Variants in KLHL5 observed in about 807,000 individuals in gnomAD.
KLHL5 encodes the protein kelch-like protein 5.
KLHL5 carries 48 observed loss-of-function variants against 77.7 expected under a neutral mutation model. The ratio of observed to expected loss-of-function variants is 0.62; its 90% confidence interval spans 0.49 to 0.79. The LOEUF is 0.79. Among genes scored for constraint, KLHL5 ranks in the 30% least tolerant of loss-of-function variants. The pLI is 0.00. For missense variants in KLHL5, 723 were observed against 859.7 expected (o/e 0.84, Z 1.99); for synonymous variants, 260 against 297.0 (o/e 0.88, Z 1.28).
chr4:39,134,293 TTA>T, the KLHL5 span, among the ~76,000 whole-genome samples: 1 of 152,260 alleles, frequency 6.6e-6, no homozygotes, highest in African/African-American at 2.4e-5. Flanking sequence ...GTTCATTTGA[TTA>T]TTTTAACATA....
chr4:39,129,250 C>T (rs1723707139), downstream of KLHL5, among the ~76,000 whole-genome samples: 1 of 150,766 alleles, frequency 6.6e-6, no homozygotes, highest in Non-Finnish European at 1.5e-5. The surrounding 1 kb of genome is among the most constrained non-coding windows in gnomAD (Gnocchi z 4.2). Context: ...TGGCATTGCC[C>T]AGGCTGGAGT....
intron 8 of KLHL5, among the ~76,000 whole-genome samples, chr4:39,110,671 C>T (rs1332980510): frequency 1.3e-5 from 2 of 152,086 alleles, no homozygotes; most frequent in African/African-American, 4.8e-5. Flanking sequence ...TCTCACTGTG[C>T]TGCCCAGGTT....
chr4:39,113,179 G>T lies in KLHL5; in HGVS notation c.1848G>T (p.Gly616=). The T allele has an allele frequency of 6.2e-7, 1 of 1,614,086 alleles. No individual in the cohort carries two copies. Among genetic ancestry groups the T allele is most frequent in the South Asian group, 1.1e-5 (1 of 91,074 alleles). Residue 616 remains glycine (G), a synonymous_variant, in exon 9 of 11, where the codon GGG becomes GGT. Transcript: ENST00000504108. ...ATGGACTGCTGTATGCTATAGGGGG[G>T]CACGATGCTCCCGCATCCAACTTGA... ...TWNGLLYAIG[G]HDAPASNLTS... is the part of the protein sequence containing the mutation.
rs769072200 is a variant in KLHL5, at chr4:39,081,894, A to T, written c.704-69A>T. On this transcript the variant is annotated intron_variant, in intron 3 of 10. Transcript: ENST00000504108. The surrounding 1 kb of genome is among the most constrained non-coding windows in gnomAD (Gnocchi z 4.3). ...CTCTTATATGGAACCACTACTGTTA[A>T]CATCAATTATTTTATAAAATAAGGT... The T allele has an allele frequency of 4.3e-6, 5 of 1,156,496 alleles. No homozygotes were observed. The highest frequency in any genetic ancestry group is 6.0e-6 in the Non-Finnish European group (5 of 829,052). 71.6% of individuals were successfully genotyped at this position (1,156,496 alleles called of 1,614,324 possible). A position where few individuals can be genotyped will look rare whatever the true frequency, so the allele number is the denominator to read the frequency against.
chr4:39,125,385 T>C lies in KLHL5; in HGVS notation c.*4319T>C, dbSNP rs1560448801. Among the ~76,000 whole-genome samples, 1 of 152,114 alleles carries C rather than the reference T, an allele frequency of 6.6e-6. No homozygotes were observed. The highest frequency in any genetic ancestry group is 1.5e-5 in the Non-Finnish European group (1 of 68,026). On this transcript the variant is annotated 3_prime_UTR_variant, in exon 11 of 11. Transcript: ENST00000504108. ...AAAACAGGTGTTCAAGCAAAAACTT[T>C]CACGCAAATATTCATTGCAGCACTA... is the stretch of plus-strand genomic sequence containing the variant.
rs535433644 is a variant in KLHL5, at chr4:39,067,204, A to G, written c.383+4169A>G. On this transcript the variant is annotated intron_variant, in intron 1 of 10. Transcript: ENST00000504108. ...TCCTTAGCCTCCTCTTGGCTGTGAC[A>G]GTTTCCTAGATTTTACTTGCTTTTG... Among the ~76,000 whole-genome samples the G allele has an allele frequency of 2.6e-5, 4 of 152,290 alleles. No individual in the cohort carries two copies. The South Asian group carries it at 8.3e-4, about 32-fold the overall frequency.
At chr4:39,114,184 A>T (rs578141852) in intron 9 of KLHL5, among the ~76,000 whole-genome samples, 5 of 152,356 alleles carry the variant, frequency 3.3e-5, no homozygotes, top group Middle Eastern at 3.4e-3. Context: ...AGGTTTATTT[A>T]GCCCACAGTT....
intron 5 of KLHL5, among the ~76,000 whole-genome samples, chr4:39,093,720 AC>A (rs1720803101): frequency 6.6e-6 from 1 of 152,134 alleles, no homozygotes; most frequent in Non-Finnish European, 1.5e-5. Flanking sequence ...AGCCTAGCCA[AC>A]ATGGTGAAAC....
At position 39,121,350 on chromosome 4, in the gene KLHL5, G is replaced by T. The variant is rs749760578; in HGVS notation, c.*284G>T. The T allele has an allele frequency of 5.7e-5, 22 of 382,926 alleles. No homozygotes were observed. Among genetic ancestry groups the T allele is most frequent in the Non-Finnish European group, 8.1e-5 (17 of 210,662 alleles). The allele number at this position is 382,926 out of a possible 1,614,324, so 23.7% of individuals were successfully genotyped here. A position where few individuals can be genotyped will look rare whatever the true frequency, so the allele number is the denominator to read the frequency against. On this transcript the variant is annotated 3_prime_UTR_variant, in exon 11 of 11. Coordinates refer to ENST00000504108, the MANE Select transcript of KLHL5 (RefSeq NM_015990.5). The stretch of plus-strand genomic sequence containing the variant: ...ATGCACTGCTCTGGAACATAACCCA[G>T]TGCTAACTGGGGGTTTCATTTATTC...
intron 5 of KLHL5, 120 bp downstream of exon 5, chr4:39,086,847 C>T (rs2109407838): frequency 3.1e-6 from 2 of 635,268 alleles, no homozygotes; most frequent in Non-Finnish European, 5.4e-6. Context: ...CAAAATTCTG[C>T]TTATGCTTTC....
chr4:39,078,780 T>C (rs546435782), intron 2 of KLHL5, among the ~76,000 whole-genome samples: 4 of 152,044 alleles, frequency 2.6e-5, no homozygotes, highest in African/African-American at 4.8e-5. Flanking sequence ...GATAAAAGAC[T>C]ACACATTGGG....
downstream of KLHL5, among the ~76,000 whole-genome samples, chr4:39,130,993 C>T (rs980449204): frequency 1.7e-4 from 25 of 149,770 alleles, no homozygotes; most frequent in Non-Finnish European, 2.4e-4. Context: ...CAGGCATGCA[C>T]TACCATGCCT....
At chr4:39,065,555 T>C (rs755704277) in intron 1 of KLHL5, among the ~76,000 whole-genome samples, 5 of 152,094 alleles carry the variant, frequency 3.3e-5, no homozygotes, top group African/African-American at 9.7e-5. Flanking sequence ...TGTTTCACCA[T>C]GTTGGCCAGG....
At chr4:39,126,671 A>G (rs1490950983), downstream of KLHL5, 4 of 452,912 alleles carry the variant, frequency 8.8e-6, no homozygotes, top group Non-Finnish European at 1.8e-5. Flanking sequence ...TTTGTGGATA[A>G]TAAACAATTA....
chr4:39,064,657 CT>C (rs1386972345), intron 1 of KLHL5, among the ~76,000 whole-genome samples: 2 of 151,742 alleles, frequency 1.3e-5, no homozygotes, highest in African/African-American at 4.8e-5. Context: ...GCTATAATTC[CT>C]TACAACAAAG....
At chr4:39,055,907 T>G (rs1031673225) in intron 1 of KLHL5, among the ~76,000 whole-genome samples, 1 of 152,232 alleles carries the variant, frequency 6.6e-6, no homozygotes, top group Non-Finnish European at 1.5e-5. Flanking sequence ...TTGCCTTGAT[T>G]TTTTTCCTCT....
chr4:39,101,859 A>AAAATATAT (rs1553892985), intron 6 of KLHL5, among the ~76,000 whole-genome samples: 146 of 104,758 alleles, frequency 1.4e-3, no homozygotes, highest in African/African-American at 4.9e-3. Flanking sequence ...AAAAAAAAAA[A>AAAATATAT]ATATATATAT....
At chr4:39,058,396 C>T (rs1460046070), upstream of KLHL5, among the ~76,000 whole-genome samples, 1 of 152,042 alleles carries the variant, frequency 6.6e-6, no homozygotes, top group Non-Finnish European at 1.5e-5. Context: ...GGGGCCATGG[C>T]GGGTGGATCA....
intron 4 of KLHL5, among the ~76,000 whole-genome samples, chr4:39,083,305 C>CAT (rs1719782794): frequency 6.6e-6 from 1 of 152,142 alleles, no homozygotes; most frequent in Admixed American, 6.5e-5. Context: ...ATTGGCATGT[C>CAT]ATATATCCAG....
Sources: allele counts gnomAD v4.1 joint callset (sites outside exome capture counted in the v4.1 genomes callset), GRCh38; gene constraint gnomAD v4.1.1; non-coding constraint Gnocchi (gnomAD v3.1); transcripts MANE v1.5; gene names NCBI Gene and HGNC (gene_info 2026-07-23, HGNC 2026-07-21).